TSPAN11: variants seen among roughly 807,000 people sequenced by gnomAD.
TSPAN11 encodes tetraspanin 11.
In TSPAN11, 29 loss-of-function variants were observed where a neutral mutation model predicts 32.9. The ratio of observed to expected loss-of-function variants is 0.88; its 90% CI spans 0.66 to 1.20. The LOEUF is 1.20. TSPAN11 is among the 50% of genes most tolerant of loss of function. TSPAN11 has a pLI of 0.00. For synonymous variants in TSPAN11, 140 were observed against 141.3 expected (o/e 0.99, Z 0.07); for missense variants, 283 against 329.1 (o/e 0.86, Z 1.08).
chr12:30,964,942 C>A (rs1236381295), intron 3 of TSPAN11, among the ~76,000 whole-genome samples: 2 of 152,186 alleles, frequency 1.3e-5, no homozygotes, highest in Non-Finnish European at 2.9e-5. Context: ...GCAGGTGGGA[C>A]AGGTGTGCTG....
At chr12:30,962,845 G>A (rs1213266431) in intron 2 of TSPAN11, among the ~76,000 whole-genome samples, 1 of 152,194 alleles carries the variant, frequency 6.6e-6, no homozygotes, top group Non-Finnish European at 1.5e-5. Context: ...CAGGGGTCCT[G>A]TCCCCAAATC....
At position 30,963,991 on chromosome 12, in the gene TSPAN11, T is replaced by C. The variant is rs867828268; in HGVS notation, c.250T>C (p.Trp84Arg). Residue 84 changes from tryptophan to arginine, a missense_variant, in exon 3 of 8, where the codon TGG becomes CGG. By Grantham distance (101) the Trp-to-Arg change is moderately radical. Coordinates refer to ENST00000546076, the MANE Select transcript of TSPAN11 (RefSeq NM_001370302.1). Reference sequence around the variant, plus strand: ...CTTCCTGGGCTTCGGTGCCATCCTCTGGGAGCGGAAGGGCTGCCTCTCCAC... The same window carrying C: ...CTTCCTGGGCTTCGGTGCCATCCTCCGGGAGCGGAAGGGCTGCCTCTCCAC... Reference protein sequence around the residue: ...TGFLGFGAILWERKGCLSTYF... With the variant: ...TGFLGFGAILRERKGCLSTYF... The C allele has an allele frequency of 1.2e-6, 2 of 1,613,880 alleles. No homozygotes were observed.
intron 5 of TSPAN11, 84 bp from the exon 6 acceptor site, chr12:30,982,448 T>A: frequency 6.6e-7 from 1 of 1,505,798 alleles, no homozygotes; most frequent in Non-Finnish European, 8.9e-7. Flanking sequence ...AGGGGTTGGG[T>A]TAGTATTTGA....
At position 30,994,214 on chromosome 12, in the gene TSPAN11, T is replaced by G. The variant is rs1266602090; in HGVS notation, c.*2299T>G. On this transcript the variant is annotated 3_prime_UTR_variant, in exon 8 of 8. Coordinates refer to ENST00000546076, the MANE Select transcript of TSPAN11 (RefSeq NM_001370302.1). Reference sequence around the variant, plus strand: ...GTTCTGCCTGGGAGTGTACAATGGTTGGAGTCCAGAGCCAACGATGTGGTC... The same window carrying G: ...GTTCTGCCTGGGAGTGTACAATGGTGGGAGTCCAGAGCCAACGATGTGGTC... 1 of 152,352 alleles carries G rather than the reference T, an allele frequency of 6.6e-6. No individual in the cohort carries two copies. Among genetic ancestry groups the G allele is most frequent in the Admixed American group, 6.5e-5 (1 of 15,286 alleles). The allele number at this position is 152,352 out of a possible 1,614,324, so 9.4% of individuals were successfully genotyped here.
intron 5 of TSPAN11, among the ~76,000 whole-genome samples, chr12:30,981,823 T>G (rs1233433402): frequency 6.6e-6 from 1 of 152,114 alleles, no homozygotes; most frequent in Non-Finnish European, 1.5e-5. Flanking sequence ...CCCACCCACC[T>G]CCAGACATAC....
At position 30,975,367 on chromosome 12, in the gene TSPAN11, TG is replaced by T. The variant is rs1210207222; in HGVS notation, c.277-3192del. 6.6e-6 allele frequency among the ~76,000 whole-genome samples: 1 copy of T among 152,020 alleles called. No individual in the cohort carries two copies. Among genetic ancestry groups the T allele is most frequent in the Admixed American group, 6.5e-5 (1 of 15,274 alleles). ...CCTCCCTGCTGTGGAAGCTGCTGCC[TG>T]GAGCCAGCACCTGTGCCCACCAGCA... On this transcript the variant is annotated intron_variant, in intron 3 of 7. Transcript: ENST00000546076. This position sits in a 1 kb window ranked among gnomAD's most constrained non-coding sequence, Gnocchi z 4.5.
rs1167573358 is a variant in TSPAN11 at position 30,982,669 on chromosome 12, C to T, written c.594C>T (p.Pro198=). 3.1e-6 allele frequency: 5 copies of T among 1,590,894 alleles called. No individual in the cohort carries two copies. The African/African-American group carries it at 4.0e-5, about 13-fold the overall frequency. The change falls in exon 6 of 8, where the codon CCC becomes CCT. Residue 198 remains proline (P), a synonymous_variant. Transcript: ENST00000546076. ...TGCGCTGCGGCCAGCGGGCCCACCC[C>T]TCCAACATCTATAAGGTGGAGGTGA... ...VVVRCGQRAH[P]SNIYKVEGGC...
intron 7 of TSPAN11, among the ~76,000 whole-genome samples, chr12:30,990,816 T>C (rs529839561): frequency 6.6e-6 from 1 of 152,320 alleles, no homozygotes; most frequent in East Asian, 1.9e-4. Flanking sequence ...GTTTCAATAC[T>C]TAGGAGAGCC....
intron 7 of TSPAN11, among the ~76,000 whole-genome samples, chr12:30,983,480 C>T (rs56375429): frequency 0.066 from 10,049 of 152,148 alleles, 420 homozygotes; most frequent in East Asian, 0.12. Context: ...ATCTGTGGTA[C>T]GTGTGTCTGC....
intron 3 of TSPAN11, among the ~76,000 whole-genome samples, chr12:30,964,505 G>GT (rs905376415): frequency 1.3e-5 from 2 of 151,750 alleles, no homozygotes; most frequent in Admixed American, 1.3e-4. Flanking sequence ...AATAAAGAGT[G>GT]TTTTTCATGA....
chr12:30,965,382 C>T (rs1380082815), intron 3 of TSPAN11, among the ~76,000 whole-genome samples: 1 of 152,172 alleles, frequency 6.6e-6, no homozygotes, highest in African/African-American at 2.4e-5. Context: ...TGCCTCCTTC[C>T]TTCCGTCGGG....
chr12:30,950,246 C>T (rs1265550363), intron 1 of TSPAN11, among the ~76,000 whole-genome samples: 1 of 152,192 alleles, frequency 6.6e-6, no homozygotes, highest in Non-Finnish European at 1.5e-5. Flanking sequence ...ACTCCCTCCA[C>T]TCATACTCTG....
chr12:30,980,993 CAG>C (rs150738672), intron 5 of TSPAN11, among the ~76,000 whole-genome samples: 9,056 of 152,270 alleles, frequency 0.059, 368 homozygotes, highest in Non-Finnish European at 0.085. Flanking sequence ...GGGCCACCCT[CAG>C]AAGAGAGAGC....
At chr12:30,952,136 A>G (rs947563153) in intron 1 of TSPAN11, among the ~76,000 whole-genome samples, 6 of 152,120 alleles carry the variant, frequency 3.9e-5, no homozygotes, top group African/African-American at 1.2e-4. Flanking sequence ...GGTTTGAGTG[A>G]GTGAATCAGG....
chr12:30,930,810 C>T (rs1937905907), intron 1 of TSPAN11, among the ~76,000 whole-genome samples: 1 of 152,182 alleles, frequency 6.6e-6, no homozygotes, highest in African/African-American at 2.4e-5. Flanking sequence ...AGGCCCCAGG[C>T]CAGTCAAGCA....
At chr12:30,985,912 T>C (rs1939192666) in intron 7 of TSPAN11, among the ~76,000 whole-genome samples, 1 of 152,264 alleles carries the variant, frequency 6.6e-6, no homozygotes, top group Non-Finnish European at 1.5e-5. Flanking sequence ...GCCGTTGCTA[T>C]GGAATGGCTT....
chr12:31,007,065 G>A, the TSPAN11 span, among the ~76,000 whole-genome samples: 4 of 152,230 alleles, frequency 2.6e-5, no homozygotes, highest in East Asian at 7.7e-4. Flanking sequence ...CTCCCCAGGG[G>A]TGACCTCTTG....
chr12:31,007,194 T>C, the TSPAN11 span, among the ~76,000 whole-genome samples: 2 of 151,994 alleles, frequency 1.3e-5, no homozygotes, highest in Non-Finnish European at 2.9e-5. Context: ...ATCTTACCCA[T>C]TTTTTTTCCC....
At position 30,956,119 on chromosome 12, in the gene TSPAN11, T is replaced by A. The variant is rs549212862; in HGVS notation, c.84+2044T>A. On this transcript the variant is annotated intron_variant, in intron 2 of 7. Coordinates refer to ENST00000546076, the MANE Select transcript of TSPAN11 (RefSeq NM_001370302.1). The stretch of plus-strand genomic sequence containing the variant: ...AGTGAAGGGATTTATAAGGTGAAAT[T>A]GTCAAGATTGGGTCCTTAACCTAAA... Among the ~76,000 whole-genome samples the A allele has an allele frequency of 2.6e-5, 4 of 152,312 alleles. No homozygotes were observed. In the South Asian group the frequency reaches 8.3e-4, roughly 32 times the overall value.
Sources: gnomAD v4.1 joint callset for allele counts (sites outside exome capture counted in the v4.1 genomes callset) on GRCh38, gnomAD v4.1.1 for gene constraint, Gnocchi (gnomAD v3.1) non-coding constraint, MANE v1.5 for transcripts, NCBI Gene and HGNC (gene_info 2026-07-23, HGNC 2026-07-21) for gene names.